The following CD55 variants were observed in gnomAD, a reference collection of about 807,000 sequenced individuals.
CD55 encodes CD55 molecule (Cromer blood group).
CD55 carries 41 observed loss-of-function variants against 45.8 expected under a neutral mutation model. The observed-to-expected ratio is 0.90, with a 90% CI of 0.70 to 1.16. CD55 has a LOEUF of 1.16. Ranked by LOEUF, CD55 falls within the 50% of genes most tolerant of loss-of-function variation. The pLI is 0.00. For synonymous variants in CD55, 181 were observed against 181.1 expected (o/e 1.00, Z 0.01); for missense variants, 416 against 469.8 (o/e 0.89, Z 1.06).
intron 9 of CD55, among the ~76,000 whole-genome samples, chr1:207,357,794 G>A (rs1372757231): frequency 6.6e-6 from 1 of 152,220 alleles, no homozygotes; most frequent in Non-Finnish European, 1.5e-5. Context: ...CCCAGTGAAT[G>A]CTTGAAACAA....
intron 9 of CD55, among the ~76,000 whole-genome samples, chr1:207,358,795 C>T (rs772861388): frequency 1.5e-4 from 22 of 150,858 alleles, no homozygotes; most frequent in Non-Finnish European, 2.2e-4. Context: ...ATTACTATGA[C>T]ATATCGTCAG....
At position 207,341,730 on chromosome 1, in the gene CD55, C is replaced by T. The variant is rs188274647; in HGVS notation, c.1081+2313C>T. On this transcript the variant is annotated intron_variant, in intron 9 of 9. Transcript: ENST00000367064. ...GCTCGGGTTGTGTTAGCTCTTTGGA[C>T]TCTTTTGGTTCCACAATCATTTTAG... Among the ~76,000 whole-genome samples the T allele has an allele frequency of 1.9e-4, 28 of 150,960 alleles. 1 individual carries two copies. Among genetic ancestry groups the T allele is most frequent in the African/African-American group, 6.3e-4 (26 of 41,310 alleles).
At chr1:207,333,904 AAC>A (rs1308378987) in intron 6 of CD55, among the ~76,000 whole-genome samples, 2 of 152,136 alleles carry the variant, frequency 1.3e-5, no homozygotes, top group African/African-American at 4.8e-5. Flanking sequence ...AAACTGTGCT[AAC>A]ACATTAGGAA....
chr1:207,358,900 G>A (rs562703008), intron 9 of CD55, among the ~76,000 whole-genome samples: 26 of 152,142 alleles, frequency 1.7e-4, no homozygotes, highest in Admixed American at 1.1e-3. Flanking sequence ...ACAAATATTC[G>A]GGGGGAAAGG....
chr1:207,341,447 G>T (rs142935381), intron 9 of CD55, among the ~76,000 whole-genome samples: 1 of 152,092 alleles, frequency 6.6e-6, no homozygotes, highest in Non-Finnish European at 1.5e-5. Flanking sequence ...TTTGTACATG[G>T]TGAGGGGCAG....
At chr1:207,339,289 G>A (rs1427460749) in intron 8 of CD55, 108 bp from the exon 9 acceptor site, 1 of 737,186 alleles carries the variant, frequency 1.4e-6, no homozygotes, top group African/African-American at 1.8e-5. Flanking sequence ...AATTTGAGTT[G>A]CTTTCGAGTT....
At chr1:207,323,238 GATATATATAGGGAGAGATAT>G (rs1189130682) in intron 2 of CD55, among the ~76,000 whole-genome samples, 14 of 150,644 alleles carry the variant, frequency 9.3e-5, no homozygotes, top group Admixed American at 7.3e-4. Context: ...TATATAAGGA[GATATATATAGGGAGAGATAT>G]ATATATATAG....
intron 5 of CD55, among the ~76,000 whole-genome samples, chr1:207,329,943 C>T (rs189370993): frequency 6.6e-6 from 1 of 152,128 alleles, no homozygotes; most frequent in Non-Finnish European, 1.5e-5. Context: ...ATTTTCCTTA[C>T]TAAGAGTTAG....
intron 5 of CD55, among the ~76,000 whole-genome samples, chr1:207,328,776 A>C (rs1305458077): frequency 6.6e-6 from 1 of 152,088 alleles, no homozygotes; most frequent in Non-Finnish European, 1.5e-5. Context: ...CTGTTTTTCA[A>C]ACTTGTGTTT....
chr1:207,335,909 C>T (rs1655151791), intron 6 of CD55, among the ~76,000 whole-genome samples: 1 of 152,122 alleles, frequency 6.6e-6, no homozygotes, highest in Non-Finnish European at 1.5e-5. Flanking sequence ...CTTTTATCCT[C>T]ATTTTACAGA....
At chr1:207,325,018 A>T (rs1654609175) in intron 3 of CD55, among the ~76,000 whole-genome samples, 1 of 152,174 alleles carries the variant, frequency 6.6e-6, no homozygotes, top group Non-Finnish European at 1.5e-5. Flanking sequence ...TTCAAAACTT[A>T]TTATAAAGAG....
chr1:207,344,094 G>C (rs1417017531), intron 9 of CD55, among the ~76,000 whole-genome samples: 1 of 152,154 alleles, frequency 6.6e-6, no homozygotes, highest in Admixed American at 6.5e-5. Context: ...CGTATAGTTG[G>C]GTTGTGTTTT....
At chr1:207,321,946 C>A in intron 1 of CD55, 81 bp downstream of exon 1, 1 of 1,030,800 alleles carries the variant, frequency 9.7e-7, no homozygotes, top group Non-Finnish European at 1.4e-6. Context: ...GCACAGGGGC[C>A]GGCGACTTGG....
chr1:207,335,685 C>G (rs867562804), intron 6 of CD55, among the ~76,000 whole-genome samples: 2 of 152,042 alleles, frequency 1.3e-5, no homozygotes, highest in African/African-American at 4.8e-5. Context: ...GCGTTTTACT[C>G]AATTTATCCC....
intron 5 of CD55, among the ~76,000 whole-genome samples, 170 bp from the exon 6 acceptor site, chr1:207,330,938 C>T (rs1654915310): frequency 6.6e-6 from 1 of 152,206 alleles, no homozygotes; most frequent in South Asian, 2.1e-4. Flanking sequence ...CTCCCACATA[C>T]TACCAATTAC....
At chr1:207,321,935 C>A in intron 1 of CD55, 70 bp downstream of exon 1, 3 of 1,127,318 alleles carry the variant, frequency 2.7e-6, no homozygotes, top group South Asian at 1.5e-5. Flanking sequence ...CTCTGAGACA[C>A]GCACAGGGGC....
chr1:207,333,095 G>C (rs1306819906), intron 6 of CD55, among the ~76,000 whole-genome samples: 1 of 152,212 alleles, frequency 6.6e-6, no homozygotes, highest in Non-Finnish European at 1.5e-5. Flanking sequence ...GTGAGGCTGG[G>C]AAGGTTGACC....
chr1:207,340,619 G>A (rs548898295), intron 9 of CD55: 18 of 676,856 alleles, frequency 2.7e-5, no homozygotes, highest in African/African-American at 7.2e-5. Context: ...CGATTTTTCC[G>A]GCCTCCCAAA....
At chr1:207,343,695 G>A (rs959377032) in intron 9 of CD55, among the ~76,000 whole-genome samples, 5 of 152,208 alleles carry the variant, frequency 3.3e-5, no homozygotes, top group Non-Finnish European at 7.4e-5. Context: ...TTGGTCTAAT[G>A]TGCAATTTAA....
Sources: gnomAD v4.1 joint callset for allele counts (sites outside exome capture counted in the v4.1 genomes callset) on GRCh38, gnomAD v4.1.1 for gene constraint, MANE v1.5 for transcripts, NCBI Gene and HGNC (gene_info 2026-07-23, HGNC 2026-07-21) for gene names.